Variants in DERA observed in about 807,000 individuals in gnomAD.
The protein encoded by DERA is deoxyribose-phosphate aldolase.
DERA carries 15 observed loss-of-function variants against 41.1 expected under a neutral mutation model. The observed-to-expected ratio is 0.37, with a 90% confidence interval of 0.24 to 0.56. DERA has a LOEUF of 0.56. Among genes scored for constraint, DERA ranks in the 20% least tolerant of loss-of-function variants. DERA has a pLI of 0.81. For synonymous variants in DERA, 139 were observed against 137.4 expected (o/e 1.01, Z -0.08); for missense variants, 396 against 403.4 (o/e 0.98, Z 0.16).
At position 15,970,505 on chromosome 12, in the gene DERA, G is replaced by T. The variant is rs1266315216; in HGVS notation, c.508+7558G>T. Among the ~76,000 whole-genome samples, 1 of 152,056 alleles carries T rather than the reference G, an allele frequency of 6.6e-6. No homozygotes were observed. The highest frequency in any genetic ancestry group is 2.4e-5 in the African/African-American group (1 of 41,426). On this transcript the variant is annotated intron_variant, in intron 5 of 8. Coordinates refer to ENST00000428559, the MANE Select transcript of DERA (RefSeq NM_015954.4). This position sits in a 1 kb window ranked among gnomAD's most constrained non-coding sequence, Gnocchi z 4.3. ...AATTGAGAAGATACCGTCCTTTCAG[G>T]TGGATCCTAGAGAGAAGAAAGTTAA...
In DERA at chr12:16,036,638, G is replaced by C. The variant is rs549975988; in HGVS notation, c.901-52G>C. 2.4e-6 allele frequency: 3 copies of C among 1,254,324 alleles called. No individual in the cohort carries two copies. In the East Asian group the frequency reaches 7.1e-5, roughly 30 times the overall value. 77.7% of individuals were successfully genotyped at this position (1,254,324 alleles called of 1,614,324 possible). ...TTATTTGATAGTATAATTATTAACT[G>C]ATGTGTATAATTATAGAATGATTGT... On this transcript the variant is annotated intron_variant, in intron 8 of 8. Coordinates refer to ENST00000428559, the MANE Select transcript of DERA (RefSeq NM_015954.4). This position sits in a 1 kb window ranked among gnomAD's most constrained non-coding sequence, Gnocchi z 4.9.
At chr12:15,920,805 A>G (rs933236983) in intron 1 of DERA, among the ~76,000 whole-genome samples, 1 of 152,200 alleles carries the variant, frequency 6.6e-6, no homozygotes, top group Non-Finnish European at 1.5e-5. Context: ...ACTACACTCC[A>G]TCCTGGTGAT....
chr12:15,938,077 C>T lies in DERA; in HGVS notation c.32-18859C>T, dbSNP rs984944415. ...GGATTATGTGCCAGGGCCTGATAGACAATGAACACCTAAATATTTATTTAC... is the reference window on the plus strand; with the variant it reads ...GGATTATGTGCCAGGGCCTGATAGATAATGAACACCTAAATATTTATTTAC... On this transcript the variant is annotated intron_variant, in intron 1 of 8. Transcript: ENST00000428559. The surrounding 1 kb of genome is among the most constrained non-coding windows in gnomAD (Gnocchi z 4.1). Among the ~76,000 whole-genome samples, 4 of 152,110 alleles carry T rather than the reference C, an allele frequency of 2.6e-5. No homozygotes were observed. The South Asian group carries it at 8.3e-4, about 32-fold the overall frequency.
chr12:15,912,315 A>T (rs1171221032), intron 1 of DERA, among the ~76,000 whole-genome samples: 1 of 152,176 alleles, frequency 6.6e-6, no homozygotes, highest in Non-Finnish European at 1.5e-5. Context: ...CACATGTTTC[A>T]GAGAGCACAG....
At position 15,954,276 on chromosome 12, in the gene DERA, C is replaced by T. The variant is rs1327497892; in HGVS notation, c.32-2660C>T. ...TTTGGGAACCACTCGACTTATTTAT[C>T]GTATGCCACCCGTGCGTCAGGTCCT... On this transcript the variant is annotated intron_variant, in intron 1 of 8. Coordinates refer to ENST00000428559, the MANE Select transcript of DERA (RefSeq NM_015954.4). This position sits in a 1 kb window ranked among gnomAD's most constrained non-coding sequence, Gnocchi z 4.0. 6.6e-6 allele frequency among the ~76,000 whole-genome samples: 1 copy of T among 152,122 alleles called. No individual in the cohort carries two copies. Among genetic ancestry groups the T allele is most frequent in the Admixed American group, 6.5e-5 (1 of 15,280 alleles).
chr12:15,940,333 C>T lies in DERA; in HGVS notation c.32-16603C>T, dbSNP rs1948399787. ...CCAACAACTTAATAACTACTGCTTT[C>T]CTTTTTTTATTTTATTTTATTATTA... On this transcript the variant is annotated intron_variant, in intron 1 of 8. Transcript: ENST00000428559. The surrounding 1 kb of genome is among the most constrained non-coding windows in gnomAD (Gnocchi z 5.1). 6.6e-6 allele frequency among the ~76,000 whole-genome samples: 1 copy of T among 151,930 alleles called. No individual in the cohort carries two copies. Among genetic ancestry groups the T allele is most frequent in the South Asian group, 2.1e-4 (1 of 4,818 alleles).
In DERA at chr12:15,924,559, CAA is replaced by C. The variant is rs1488464988; in HGVS notation, c.31+13146_31+13147del. Among the ~76,000 whole-genome samples, 2 of 152,110 alleles carry C rather than the reference CAA, an allele frequency of 1.3e-5. No individual in the cohort carries two copies. The highest frequency in any genetic ancestry group is 2.4e-5 in the African/African-American group (1 of 41,410). Reference sequence around the variant, plus strand: ...CTGACAAGTATGGTGTGACCTTGAACAAGTAATTTAATATCTGAGCTTCAGCT... The same window carrying C: ...CTGACAAGTATGGTGTGACCTTGAACGTAATTTAATATCTGAGCTTCAGCT... On this transcript the variant is annotated intron_variant, in intron 1 of 8. Transcript: ENST00000428559. This position sits in a 1 kb window ranked among gnomAD's most constrained non-coding sequence, Gnocchi z 5.0.
At position 15,931,699 on chromosome 12, in the gene DERA, G is replaced by A. The variant is rs1450456492; in HGVS notation, c.31+20285G>A. Among the ~76,000 whole-genome samples, 1 of 152,108 alleles carries A rather than the reference G, an allele frequency of 6.6e-6. No homozygotes were observed. The highest frequency in any genetic ancestry group is 1.5e-5 in the Non-Finnish European group (1 of 68,026). ...TCAGTGTGGCAGTGTTGGGAGATGG[G>A]GCCTAGTGAGAGGTCTTTGGGTCAT... On this transcript the variant is annotated intron_variant, in intron 1 of 8. Coordinates refer to ENST00000428559, the MANE Select transcript of DERA (RefSeq NM_015954.4). The surrounding 1 kb of genome is among the most constrained non-coding windows in gnomAD (Gnocchi z 4.6).
intron 1 of DERA, among the ~76,000 whole-genome samples, chr12:15,912,716 A>C (rs1404305535): frequency 6.6e-6 from 1 of 152,170 alleles, no homozygotes; most frequent in East Asian, 1.9e-4. Context: ...ATTTTGAGAA[A>C]ATTGGCTGTA....
rs777324075 is a variant in DERA at position 15,982,381 on chromosome 12, A to G, written c.582A>G (p.Gly194=). 6.8e-6 allele frequency: 11 copies of G among 1,613,904 alleles called. No homozygotes were observed. Among genetic ancestry groups the G allele is most frequent in the Admixed American group, 3.3e-5 (2 of 59,980 alleles). The change falls in exon 6 of 9, where the codon GGA becomes GGG. Residue 194 remains glycine (G), a synonymous_variant. Transcript: ENST00000428559. The surrounding 1 kb of genome is among the most constrained non-coding windows in gnomAD (Gnocchi z 4.0). The part of the protein sequence containing the change: ...EAHLKTILAT[G]ELGTLTNVYK... The stretch of plus-strand genomic sequence containing the variant: ...ATCTTAAAACTATATTAGCGACAGG[A>G]GAACTTGGAACTCTTACTAATGTCT...
At chr12:16,033,768 G>T (rs1461566328) in intron 7 of DERA, among the ~76,000 whole-genome samples, 2 of 151,948 alleles carry the variant, frequency 1.3e-5, no homozygotes, top group Non-Finnish European at 2.9e-5. Flanking sequence ...GTTTATTTTG[G>T]AATAGTGACC....
In DERA at chr12:15,943,574, A is replaced by G. The variant is rs1948423587; in HGVS notation, c.32-13362A>G. Reference sequence around the variant, plus strand: ...GCTCACCATATGCATTGTATTTTATATTGCCACACAGTACATGCCACACAG... The same window carrying G: ...GCTCACCATATGCATTGTATTTTATGTTGCCACACAGTACATGCCACACAG... On this transcript the variant is annotated intron_variant, in intron 1 of 8. Transcript: ENST00000428559. The surrounding 1 kb of genome is among the most constrained non-coding windows in gnomAD (Gnocchi z 4.5). Among the ~76,000 whole-genome samples, 1 of 152,168 alleles carries G rather than the reference A, an allele frequency of 6.6e-6. No individual in the cohort carries two copies. The highest frequency in any genetic ancestry group is 6.5e-5 in the Admixed American group (1 of 15,278).
At position 16,004,541 on chromosome 12, in the gene DERA, T is replaced by C. The variant is rs1007257559; in HGVS notation, c.637+22105T>C. ...AAGGAAAAGAGGCATCCCAGTACTTTCTGACAGAGGAAGAAAGAAAAGGAC... is the reference window on the plus strand; with the variant it reads ...AAGGAAAAGAGGCATCCCAGTACTTCCTGACAGAGGAAGAAAGAAAAGGAC... On this transcript the variant is annotated intron_variant, in intron 6 of 8. Transcript: ENST00000428559. The surrounding 1 kb of genome is among the most constrained non-coding windows in gnomAD (Gnocchi z 4.2). 2.0e-5 allele frequency among the ~76,000 whole-genome samples: 3 copies of C among 152,148 alleles called. No individual in the cohort carries two copies. Among genetic ancestry groups the C allele is most frequent in the Non-Finnish European group, 4.4e-5 (3 of 68,032 alleles).
intron 5 of DERA, among the ~76,000 whole-genome samples, chr12:15,974,153 C>T (rs1343101197): frequency 1.3e-5 from 2 of 152,074 alleles, no homozygotes; most frequent in African/African-American, 4.8e-5. Context: ...CCCTTAAATA[C>T]TTCAGTGTGT....
Position 15,963,526 on chromosome 12 carries a change from T to G in DERA, c.508+579T>G, listed in dbSNP as rs148308014. Among the ~76,000 whole-genome samples the G allele has an allele frequency of 6.2e-4, 95 of 152,330 alleles. 1 individual carries two copies. The East Asian group carries it at 0.016, about 26-fold the overall frequency. Reference sequence around the variant, plus strand: ...ATTGCCCTTTCCAGCAACAAGCTTTTGTTTTTTTAAACAGATATTAAAGAA... The same window carrying G: ...ATTGCCCTTTCCAGCAACAAGCTTTGGTTTTTTTAAACAGATATTAAAGAA... On this transcript the variant is annotated intron_variant, in intron 5 of 8. Transcript: ENST00000428559.
chr12:16,004,725 C>T lies in DERA; in HGVS notation c.637+22289C>T, dbSNP rs1203143588. ...TTGGTTCTTTGTTACATTCTTTTTT[C>T]AAAAACCAAGGTGGATTATGTTTAT... On this transcript the variant is annotated intron_variant, in intron 6 of 8. Transcript: ENST00000428559. The surrounding 1 kb of genome is among the most constrained non-coding windows in gnomAD (Gnocchi z 4.2). Among the ~76,000 whole-genome samples the T allele has an allele frequency of 6.6e-6, 1 of 151,840 alleles. No homozygotes were observed. The highest frequency in any genetic ancestry group is 1.5e-5 in the Non-Finnish European group (1 of 67,956).
rs556470242 is a variant in DERA at position 16,012,744 on chromosome 12, T to G, written c.638-19798T>G. On this transcript the variant is annotated intron_variant, in intron 6 of 8. Transcript: ENST00000428559. The surrounding 1 kb of genome is among the most constrained non-coding windows in gnomAD (Gnocchi z 4.1). ...TACAGAGTGATTACATGTTTTGGTGTCTCATTGAAGCTCTGTAAAAATGCT... is the reference window on the plus strand; with the variant it reads ...TACAGAGTGATTACATGTTTTGGTGGCTCATTGAAGCTCTGTAAAAATGCT... Among the ~76,000 whole-genome samples the G allele has an allele frequency of 2.4e-4, 36 of 152,338 alleles. 1 individual carries two copies. In the South Asian group the frequency reaches 7.3e-3, roughly 31 times the overall value.
Position 15,957,551 on chromosome 12 carries a change from C to T in DERA, c.129+518C>T, listed in dbSNP as rs368329030. The stretch of plus-strand genomic sequence containing the variant: ...TTCTTCAGTGTATCCCAACCAAAGA[C>T]GTGCTGTGTAGGATTAAAGGGAATT... On this transcript the variant is annotated intron_variant, in intron 2 of 8. Transcript: ENST00000428559. The surrounding 1 kb of genome is among the most constrained non-coding windows in gnomAD (Gnocchi z 4.8). Among the ~76,000 whole-genome samples the T allele has an allele frequency of 2.0e-4, 30 of 152,210 alleles. No homozygotes were observed. In the South Asian group the frequency reaches 5.4e-3, roughly 27 times the overall value.
chr12:15,937,850 G>A, intron 1 of DERA, among the ~76,000 whole-genome samples: 1 of 152,106 alleles, frequency 6.6e-6, no homozygotes, highest in Non-Finnish European at 1.5e-5. Context: ...CAAATTACCA[G>A]CTCCCTTTTT....
Sources: gnomAD v4.1 joint callset for allele counts (sites outside exome capture counted in the v4.1 genomes callset) on GRCh38, gnomAD v4.1.1 for gene constraint, Gnocchi (gnomAD v3.1) non-coding constraint, MANE v1.5 for transcripts, NCBI Gene and HGNC (gene_info 2026-07-23, HGNC 2026-07-21) for gene names.